The following ABHD3 variants were observed in gnomAD, a reference collection of about 807,000 sequenced individuals.
The protein encoded by ABHD3 is phospholipase ABHD3.
Under a neutral mutation model 48.8 loss-of-function variants are expected in ABHD3, and 46 were observed. The ratio of observed to expected loss-of-function variants is 0.94; its 90% CI spans 0.74 to 1.20. The LOEUF is 1.20. Ranked by LOEUF, ABHD3 falls within the 50% of genes most tolerant of loss-of-function variation. The probability of loss-of-function intolerance (pLI) is 0.00; values close to 1 mark genes in which losing one functional copy is unlikely to be tolerated. For synonymous variants in ABHD3, 192 were observed against 183.7 expected, an observed-to-expected ratio of 1.04 and a Z score of -0.36; for missense variants, 490 against 497.8, an observed-to-expected ratio of 0.98 and a Z score of 0.15.
chr18:21,699,875 G>A (rs575900314), intron 3 of ABHD3, among the ~76,000 whole-genome samples: 3 of 151,866 alleles, frequency 2.0e-5, no homozygotes, highest in African/African-American at 4.8e-5. Context: ...ATGGGGTTTC[G>A]CTATGTTGGC....
In ABHD3 at chr18:21,703,688, G is replaced by A. The variant is rs1473815098; in HGVS notation, c.222C>T (p.Pro74=). Residue 74 remains proline, a synonymous_variant, in exon 2 of 9, where the codon CCC becomes CCT. Transcript: ENST00000289119. ...SFSRFLQDHC[P]VVTETYYPTV... ...TCGGGTAGTACGTTTCTGTAACCAC[G>A]GGACAGTGGTCTTGAAGGAAGCGGC... 1.2e-6 allele frequency: 2 copies of A among 1,613,942 alleles called. No homozygotes were observed. The highest frequency in any genetic ancestry group is 2.7e-5 in the African/African-American group (2 of 74,922).
rs2040466629 is a variant in ABHD3, at chr18:21,699,790, C to T, written c.509+2526G>A. Among the ~76,000 whole-genome samples, 4 of 151,798 alleles carry T rather than the reference C, an allele frequency of 2.6e-5. No individual in the cohort carries two copies. In the South Asian group the frequency reaches 8.3e-4, roughly 32 times the overall value. ...CCGCCTCCCGGGTTTAAGCGATTCTCCCTCAGCCTCCCGAGTAACTGGGAT... is the reference window on the plus strand; with the variant it reads ...CCGCCTCCCGGGTTTAAGCGATTCTTCCTCAGCCTCCCGAGTAACTGGGAT... On this transcript the variant is annotated intron_variant, in intron 3 of 8. Coordinates refer to ENST00000289119, the MANE Select transcript of ABHD3 (RefSeq NM_138340.5).
chr18:21,663,839 G>A (rs970467848), intron 5 of ABHD3: 15 of 1,518,136 alleles, frequency 9.9e-6, no homozygotes, highest in African/African-American at 5.5e-5. Flanking sequence ...CATGGCAGCC[G>A]GTGAGTGATG....
Position 21,703,625 on chromosome 18 carries a change from AAGC to A in ABHD3, c.282_284del (p.Leu95del). On this transcript the variant is annotated inframe_deletion, in exon 2 of 9. Transcript: ENST00000289119. The stretch of plus-strand genomic sequence containing the variant: ...GGGGCTTCGAAGTGATGAAAGGTCT[AAGC>A]AGGGTCTGTCCTCGACCCTCCCAGC... The A allele has an allele frequency of 6.2e-7, 1 of 1,614,124 alleles. No homozygotes were observed. Among genetic ancestry groups the A allele is most frequent in the Middle Eastern group, 1.6e-4 (1 of 6,062 alleles).
intron 8 of ABHD3, among the ~76,000 whole-genome samples, chr18:21,653,320 T>C (rs1167445922): frequency 6.6e-6 from 1 of 151,844 alleles, no homozygotes; most frequent in Non-Finnish European, 1.5e-5. Flanking sequence ...AGCTAATTTT[T>C]GTATTTTTAG....
Position 21,656,933 on chromosome 18 carries a change from G to T in ABHD3, c.985C>A (p.Pro329Thr). ...DDYYTDASPS[P>T]RLKSVGIPVL... ...GGAATTCCTACTGACTTCAGTCTAG[G>T]ACTCGGACTGGCATCAGTATAATAA... The change falls in exon 8 of 9, where the codon CCT becomes ACT. Residue 329 changes from proline to threonine, a missense_variant. Coordinates refer to ENST00000289119, the MANE Select transcript of ABHD3 (RefSeq NM_138340.5). The T allele has an allele frequency of 6.2e-7, 1 of 1,613,944 alleles. No individual in the cohort carries two copies. Among genetic ancestry groups the T allele is most frequent in the Non-Finnish European group, 8.5e-7 (1 of 1,179,922 alleles).
chr18:21,694,601 A>G (rs2040326546), intron 3 of ABHD3, among the ~76,000 whole-genome samples: 1 of 152,206 alleles, frequency 6.6e-6, no homozygotes. Flanking sequence ...GACAGTAAGA[A>G]ATGTCTTAAA....
At chr18:21,669,622 T>C (rs2039711899) in intron 4 of ABHD3, among the ~76,000 whole-genome samples, 3 of 152,198 alleles carry the variant, frequency 2.0e-5, no homozygotes, top group African/African-American at 4.8e-5. Context: ...TGTAATGTTC[T>C]ACCAGTACTT....
intron 4 of ABHD3, among the ~76,000 whole-genome samples, chr18:21,671,009 G>A (rs2039745679): frequency 6.6e-6 from 1 of 152,072 alleles, no homozygotes; most frequent in Non-Finnish European, 1.5e-5. Flanking sequence ...GTTAGACCCT[G>A]TCTCAAAAAA....
At chr18:21,688,129 T>A (rs1598550820) in intron 3 of ABHD3, among the ~76,000 whole-genome samples, 1 of 152,302 alleles carries the variant, frequency 6.6e-6, no homozygotes, top group Middle Eastern at 3.4e-3. Flanking sequence ...ATGGAGAGCC[T>A]GTCTCAAAAA....
At chr18:21,663,474 A>C (rs1339746962) in intron 5 of ABHD3, among the ~76,000 whole-genome samples, 1 of 151,788 alleles carries the variant, frequency 6.6e-6, no homozygotes, top group African/African-American at 2.4e-5. Flanking sequence ...AAAAAAAAAA[A>C]CCCCAAAAAC....
In ABHD3 at chr18:21,696,207, G is replaced by A. The variant is rs553174209; in HGVS notation, c.509+6109C>T. 1.9e-3 allele frequency among the ~76,000 whole-genome samples: 279 copies of A among 149,834 alleles called. 1 individual carries two copies. Among genetic ancestry groups the A allele is most frequent in the African/African-American group, 6.4e-3 (260 of 40,770 alleles). Reference sequence around the variant, plus strand: ...TGCCCAGACTGGAGTGCAGTGGCGCGATCTCGGCTCACTGCAAGCTCTGCC... The same window carrying A: ...TGCCCAGACTGGAGTGCAGTGGCGCAATCTCGGCTCACTGCAAGCTCTGCC... On this transcript the variant is annotated intron_variant, in intron 3 of 8. Coordinates refer to ENST00000289119, the MANE Select transcript of ABHD3 (RefSeq NM_138340.5).
At chr18:21,696,213 G>A (rs189943428) in intron 3 of ABHD3, among the ~76,000 whole-genome samples, 11 of 149,238 alleles carry the variant, frequency 7.4e-5, no homozygotes, top group African/African-American at 2.5e-4. Context: ...GCGCGATCTC[G>A]GCTCACTGCA....
Position 21,704,621 on chromosome 18 carries a change from G to T in ABHD3, c.45C>A (p.Leu15=). The change falls in exon 1 of 9, where the codon CTC becomes CTA. Residue 15 remains leucine (L), a synonymous_variant. Coordinates refer to ENST00000289119, the MANE Select transcript of ABHD3 (RefSeq NM_138340.5). The part of the protein sequence containing the change: ...AMDLRMLSRE[L]SLYLEHQVRV... The stretch of plus-strand genomic sequence containing the variant: ...GGACTTGGTGTTCCAGGTAGAGGGA[G>T]AGCTCCCGGGACAACATCCGCAGGT... 6.4e-7 allele frequency: 1 copy of T among 1,550,860 alleles called. No homozygotes were observed. The highest frequency in any genetic ancestry group is 8.7e-7 in the Non-Finnish European group (1 of 1,151,364).
rs780352760 is a variant in ABHD3 at position 21,656,995 on chromosome 18, A to C, written c.923T>G (p.Phe308Cys). ...AKSIREFDKR[F>C]TSVMFGYQTI... ...TTGGTATCCAAACATGACTGAAGTG[A>C]ATCGCTTATCAAACTCTCTGATGGA... is the stretch of plus-strand genomic sequence containing the variant. Residue 308 changes from phenylalanine (F) to cysteine (C), a missense_variant, in exon 8 of 9, where the codon TTC becomes TGC. By Grantham distance (205) the Phe-to-Cys change is radical. Transcript: ENST00000289119. 1.2e-6 allele frequency: 2 copies of C among 1,614,130 alleles called. No homozygotes were observed. The highest frequency in any genetic ancestry group is 4.5e-5 in the East Asian group (2 of 44,854).
At chr18:21,680,005 G>A (rs1222182294) in intron 4 of ABHD3, among the ~76,000 whole-genome samples, 2 of 150,730 alleles carry the variant, frequency 1.3e-5, no homozygotes, top group East Asian at 2.0e-4. Context: ...GATATTTCAA[G>A]TTTATTATTT....
intron 6 of ABHD3, among the ~76,000 whole-genome samples, chr18:21,658,108 G>A (rs57002509): frequency 0.021 from 3,205 of 151,630 alleles, 123 homozygotes; most frequent in African/African-American, 0.073. Flanking sequence ...GAGATGGGAG[G>A]ATCACTTGAG....
Position 21,704,768 on chromosome 18 carries a change from CCA to C in ABHD3, c.-105_-104del. ...ACGCGGCGCCGCTGCCTACTCCCGA[CCA>C]CAGTGTCTCCTGCCTGGCGGAGCGC... On this transcript the variant is annotated 5_prime_UTR_variant, in exon 1 of 9. Transcript: ENST00000289119. 1 of 1,068,196 alleles carries C rather than the reference CCA, an allele frequency of 9.4e-7. No individual in the cohort carries two copies. The highest frequency in any genetic ancestry group is 1.2e-6 in the Non-Finnish European group (1 of 834,524). 66.2% of individuals were successfully genotyped at this position (1,068,196 alleles called of 1,614,324 possible).
chr18:21,683,506 G>C (rs1183969924), intron 4 of ABHD3: 2 of 511,570 alleles, frequency 3.9e-6, no homozygotes, highest in African/African-American at 4.0e-5. Context: ...TAAGGAAAAT[G>C]TGTTTTGCAT....
Sources: gnomAD v4.1 joint callset for allele counts (sites outside exome capture counted in the v4.1 genomes callset) on GRCh38, gnomAD v4.1.1 for gene constraint, MANE v1.5 for transcripts, NCBI Gene and HGNC (gene_info 2026-07-23, HGNC 2026-07-21) for gene names.